Variants in IGSF23 observed in about 807,000 individuals in gnomAD.
The protein encoded by IGSF23 is immunoglobulin superfamily, member 23.
Under a neutral mutation model 17.8 loss-of-function variants are expected in IGSF23, and 14 were observed. That is an observed-to-expected ratio of 0.79 (90% CI 0.52 to 1.23). IGSF23 has a LOEUF of 1.23. Ranked by LOEUF, IGSF23 falls within the 50% of genes most tolerant of loss-of-function variation. The probability of loss-of-function intolerance (pLI) is 0.00; values close to 1 mark genes in which losing one functional copy is unlikely to be tolerated. For missense variants in IGSF23, 214 were observed against 241.7 expected (o/e 0.89, Z 0.76); for synonymous variants, 85 against 92.5 (o/e 0.92, Z 0.46).
At chr19:44,635,348 T>TTCTC (rs138387848) in intron 3 of IGSF23, 53 bp from the exon 4 acceptor site, 477 of 977,482 alleles carry the variant, frequency 4.9e-4, no homozygotes, top group Admixed American at 2.4e-3. Flanking sequence ...ATGATTCTTA[T>TTCTC]TCTCTCTCTC....
At chr19:44,619,904 G>A (rs1160164475) in intron 1 of IGSF23, among the ~76,000 whole-genome samples, 1 of 152,148 alleles carries the variant, frequency 6.6e-6, no homozygotes, top group African/African-American at 2.4e-5. Context: ...TTTGGTGGGG[G>A]ACTCAATTCA....
chr19:44,614,428 G>GT (rs1972323029), intron 1 of IGSF23, among the ~76,000 whole-genome samples: 1 of 152,000 alleles, frequency 6.6e-6, no homozygotes, highest in Non-Finnish European at 1.5e-5. Flanking sequence ...TGGGGTTTTT[G>GT]TTTTTTTGTT....
At chr19:44,633,932 T>C (rs1215948350) in intron 3 of IGSF23, among the ~76,000 whole-genome samples, 2 of 152,216 alleles carry the variant, frequency 1.3e-5, no homozygotes, top group Admixed American at 6.5e-5. Flanking sequence ...ATGTAACAAT[T>C]TGAATTTCCT....
intron 4 of IGSF23, among the ~76,000 whole-genome samples, 180 bp from the exon 5 acceptor site, chr19:44,636,239 C>T (rs1443631940): frequency 6.6e-6 from 1 of 152,120 alleles, no homozygotes; most frequent in Non-Finnish European, 1.5e-5. Flanking sequence ...GAAGTTGACT[C>T]CACCTCTTGC....
chr19:44,635,553 T>C (rs1389545848), intron 4 of IGSF23, 88 bp downstream of exon 4: 23 of 880,718 alleles, frequency 2.6e-5, no homozygotes, highest in Non-Finnish European at 3.3e-5. Flanking sequence ...ATTTCCTCCC[T>C]CCTGGTTCCC....
intron 3 of IGSF23, among the ~76,000 whole-genome samples, chr19:44,631,937 A>AT (rs1282882169): frequency 7.2e-5 from 11 of 152,110 alleles, no homozygotes; most frequent in African/African-American, 2.7e-4. Context: ...CCACAGAGAT[A>AT]TTGTTCATGG....
At chr19:44,625,248 A>C (rs952008037) in intron 2 of IGSF23, among the ~76,000 whole-genome samples, 3 of 152,232 alleles carry the variant, frequency 2.0e-5, no homozygotes, top group Admixed American at 2.0e-4. Context: ...ATTCAATGAG[A>C]TAAGCCGGTG....
intron 1 of IGSF23, among the ~76,000 whole-genome samples, chr19:44,614,814 T>G (rs901041304): frequency 6.6e-6 from 1 of 152,094 alleles, no homozygotes; most frequent in African/African-American, 2.4e-5. Context: ...ACGATCCCTA[T>G]TTCACAGAAG....
intron 1 of IGSF23, among the ~76,000 whole-genome samples, chr19:44,621,725 G>A (rs548066799): frequency 2.6e-5 from 4 of 152,316 alleles, no homozygotes; most frequent in African/African-American, 9.6e-5. Context: ...TTCACATCAT[G>A]TCCAGTATAT....
intron 3 of IGSF23, among the ~76,000 whole-genome samples, chr19:44,630,114 C>G (rs1972734275): frequency 2.6e-5 from 4 of 152,184 alleles, no homozygotes; most frequent in Admixed American, 2.6e-4. Context: ...AGTAACTGTA[C>G]AGACCTCTGT....
chr19:44,625,132 C>A (rs1972616444), intron 2 of IGSF23, among the ~76,000 whole-genome samples: 1 of 152,090 alleles, frequency 6.6e-6, no homozygotes, highest in African/African-American at 2.4e-5. Context: ...ATTTGAATCC[C>A]TGGCTGTGTG....
intron 1 of IGSF23, among the ~76,000 whole-genome samples, chr19:44,615,192 G>T (rs1424496734): frequency 6.6e-6 from 1 of 152,180 alleles, no homozygotes; most frequent in Non-Finnish European, 1.5e-5. Context: ...AGAAGGCTGA[G>T]GCAGGAGAAT....
At position 44,635,331 on chromosome 19, in the gene IGSF23, T is replaced by C. The variant is rs1478681284; in HGVS notation, c.546-70T>C. 5 of 1,214,900 alleles carry C rather than the reference T, an allele frequency of 4.1e-6. No individual in the cohort carries two copies. The East Asian group carries it at 7.6e-5, about 19-fold the overall frequency. The allele number at this position is 1,214,900 out of a possible 1,614,324, so 75.3% of individuals were successfully genotyped here. A position where few individuals can be genotyped will look rare whatever the true frequency, so the allele number is the denominator to read the frequency against. Reference sequence around the variant, plus strand: ...ATTAATTTGGGGAACGGATAATAATTCAGTCGATGATTCTTATTCTCTCTC... The same window carrying C: ...ATTAATTTGGGGAACGGATAATAATCCAGTCGATGATTCTTATTCTCTCTC... On this transcript the variant is annotated intron_variant, in intron 3 of 4. Transcript: ENST00000402988.
chr19:44,618,995 A>G lies in IGSF23; in HGVS notation c.126-4712A>G, dbSNP rs981398209. Among the ~76,000 whole-genome samples, 151 of 151,902 alleles carry G rather than the reference A, an allele frequency of 9.9e-4. 1 individual carries two copies. Among genetic ancestry groups the G allele is most frequent in the African/African-American group, 3.2e-3 (133 of 41,376 alleles). On this transcript the variant is annotated intron_variant, in intron 1 of 4. Transcript: ENST00000402988. ...GGTTATTTATTTAAAAAAAAAAAAA[A>G]AAGAAGAAGACGTTTGATTGGCTCA...
chr19:44,634,333 T>A (rs1177726398), intron 3 of IGSF23, among the ~76,000 whole-genome samples: 2 of 152,242 alleles, frequency 1.3e-5, no homozygotes, highest in Non-Finnish European at 2.9e-5. Flanking sequence ...ACTCAGCAGT[T>A]TTCTTTTTTC....
intron 1 of IGSF23, among the ~76,000 whole-genome samples, chr19:44,618,549 CATCA>C (rs1236290527): frequency 6.6e-6 from 1 of 152,170 alleles, no homozygotes; most frequent in African/African-American, 2.4e-5. Flanking sequence ...AAACTTAAAA[CATCA>C]ATCACTTATC....
At chr19:44,634,019 T>A (rs1398090288) in intron 3 of IGSF23, among the ~76,000 whole-genome samples, 1 of 152,230 alleles carries the variant, frequency 6.6e-6, no homozygotes, top group Non-Finnish European at 1.5e-5. Flanking sequence ...CTAAAAGTAA[T>A]CCTATTGTCC....
At chr19:44,635,300 C>A in intron 3 of IGSF23, 101 bp from the exon 4 acceptor site, 1 of 910,424 alleles carries the variant, frequency 1.1e-6, no homozygotes, top group Non-Finnish European at 1.7e-6. Context: ...AGGGTTAGGA[C>A]TACATATTAA....
chr19:44,619,124 C>T (rs764535362), intron 1 of IGSF23, among the ~76,000 whole-genome samples: 9 of 152,048 alleles, frequency 5.9e-5, no homozygotes, highest in Non-Finnish European at 8.8e-5. Flanking sequence ...AGGTGTCTCC[C>T]GTGAGAACAG....
Sources: allele counts gnomAD v4.1 joint callset (sites outside exome capture counted in the v4.1 genomes callset), GRCh38; gene constraint gnomAD v4.1.1; transcripts MANE v1.5; gene names NCBI Gene and HGNC (gene_info 2026-07-23, HGNC 2026-07-21).